The following FGD5 variants were observed in gnomAD, a reference collection of about 807,000 sequenced individuals.
FGD5 encodes the protein FYVE, RhoGEF and PH domain-containing protein 5.
Under a neutral mutation model 133.4 loss-of-function variants are expected in FGD5, and 28 were observed. The observed-to-expected ratio is 0.21, with a 90% CI of 0.16 to 0.29. FGD5 has a LOEUF of 0.29. Ranked by LOEUF, FGD5 falls within the 10% of genes least tolerant of loss-of-function variation. The pLI is 1.00. For synonymous variants in FGD5, 810 were observed against 776.5 expected, an observed-to-expected ratio of 1.04 and a Z score of -0.72; for missense variants, 1,858 against 1,895.2, an observed-to-expected ratio of 0.98 and a Z score of 0.36.
upstream of FGD5, among the ~76,000 whole-genome samples, chr3:14,817,265 GGCTT>G (rs1340053677): frequency 6.6e-6 from 1 of 151,702 alleles, no homozygotes; most frequent in African/African-American, 2.4e-5. Flanking sequence ...GCTCAATCTT[GGCTT>G]ATTGCAACCT....
chr3:14,927,465 AATG>A (rs1381815888), intron 18 of FGD5, among the ~76,000 whole-genome samples: 2 of 145,064 alleles, frequency 1.4e-5, no homozygotes, highest in African/African-American at 5.7e-5. Context: ...CGAAAAATAA[AATG>A]AATGAATGAA....
intron 13 of FGD5, chr3:14,921,197 G>C (rs2038673318): frequency 6.6e-6 from 1 of 152,648 alleles, no homozygotes; most frequent in South Asian, 2.1e-4. Flanking sequence ...ACATTTTAGG[G>C]ACATGGTGTC....
chr3:14,932,654 A>G lies in FGD5; in HGVS notation c.4275A>G (p.Val1425=), dbSNP rs752357815. ...APEKEEGSSE[V]GPIFHLYHKK... ...AAAAGGAAGAGGGCAGCAGTGAAGT[A>G]GGACCTATTTTTCACCTTTACCACA... The change falls in exon 19 of 20, where the codon GTA becomes GTG. Residue 1425 remains valine, a synonymous_variant. Coordinates refer to ENST00000285046, the MANE Select transcript of FGD5 (RefSeq NM_152536.4). 6.2e-7 allele frequency: 1 copy of G among 1,614,068 alleles called. No homozygotes were observed.
At chr3:14,890,118 C>T (rs112041062) in intron 4 of FGD5, among the ~76,000 whole-genome samples, 236 of 152,266 alleles carry the variant, frequency 1.5e-3, no homozygotes, top group African/African-American at 5.2e-3. Context: ...ACACACTCCG[C>T]CTGAACCGTA....
At chr3:14,835,890 T>C (rs1426209216) in intron 1 of FGD5, among the ~76,000 whole-genome samples, 1 of 152,106 alleles carries the variant, frequency 6.6e-6, no homozygotes, top group Non-Finnish European at 1.5e-5. Flanking sequence ...TTCTTGGTAA[T>C]TGTTATTTTG....
chr3:14,906,025 T>G (rs2038333219), intron 9 of FGD5, among the ~76,000 whole-genome samples: 1 of 152,140 alleles, frequency 6.6e-6, no homozygotes, highest in Non-Finnish European at 1.5e-5. Context: ...TGCCGTGTCA[T>G]CAACCTTCAG....
At chr3:14,932,781 A>G in intron 19 of FGD5, 50 bp downstream of exon 19, 1 of 1,583,332 alleles carries the variant, frequency 6.3e-7, no homozygotes, top group Non-Finnish European at 8.6e-7. Flanking sequence ...CTCAGAAGGC[A>G]ACAAGTTGTT....
chr3:14,810,740 C>A (rs1428937000), upstream of FGD5: 13 of 925,454 alleles, frequency 1.4e-5, no homozygotes, highest in African/African-American at 2.2e-4. Flanking sequence ...GGGCGGGCGC[C>A]AGGGGGTGCG....
At chr3:14,929,145 G>C (rs1296897512) in intron 18 of FGD5, among the ~76,000 whole-genome samples, 1 of 152,162 alleles carries the variant, frequency 6.6e-6, no homozygotes, top group Non-Finnish European at 1.5e-5. Flanking sequence ...ATGTTTTTGA[G>C]ATTCATTTAT....
intron 16 of FGD5, 90 bp from the exon 17 acceptor site, chr3:14,923,918 C>T: frequency 1.3e-6 from 2 of 1,512,974 alleles, no homozygotes; most frequent in Non-Finnish European, 1.8e-6. Context: ...GGCTCACATT[C>T]CTAGAGGGAT....
chr3:14,913,496 A>G (rs2038492005), intron 11 of FGD5, among the ~76,000 whole-genome samples: 1 of 152,166 alleles, frequency 6.6e-6, no homozygotes, highest in African/African-American at 2.4e-5. Flanking sequence ...CCCCAGATGC[A>G]GACCCCAGCT....
intron 4 of FGD5, among the ~76,000 whole-genome samples, chr3:14,895,588 T>G (rs540752690): frequency 1.3e-5 from 2 of 152,246 alleles, no homozygotes; most frequent in East Asian, 3.9e-4. Context: ...TTTGTTTGTT[T>G]TATGAGACAG....
intron 4 of FGD5, among the ~76,000 whole-genome samples, chr3:14,891,104 G>T (rs2038017288): frequency 6.6e-6 from 1 of 152,182 alleles, no homozygotes; most frequent in Non-Finnish European, 1.5e-5. Context: ...AGTATACAGG[G>T]CTGTTTTTCT....
chr3:14,918,613 C>A, intron 12 of FGD5, 141 bp from the exon 13 acceptor site: 1 of 772,810 alleles, frequency 1.3e-6, no homozygotes, highest in Admixed American at 2.2e-5. Flanking sequence ...ACAGCACCTA[C>A]CATCACAGAA....
chr3:14,883,911 A>G (rs2037875994), intron 4 of FGD5, among the ~76,000 whole-genome samples: 1 of 152,202 alleles, frequency 6.6e-6, no homozygotes, highest in Non-Finnish European at 1.5e-5. Context: ...AGGCCAGGGT[A>G]GTGGTGGAAG....
chr3:14,864,231 G>A lies in FGD5; in HGVS notation c.2629G>A (p.Ala877Thr), dbSNP rs1245756666. Residue 877 changes from alanine to threonine, a missense_variant, in exon 2 of 20, where the codon GCT becomes ACT. Ala to Thr is a moderately conservative substitution (Grantham distance 58, BLOSUM62 0). Coordinates refer to ENST00000285046, the MANE Select transcript of FGD5 (RefSeq NM_152536.4). ...GAGAAGCTCGGAGGAGGAGGACAGT[G>A]CTTCAAGAGACCCCAGTGTCACCCA... ...EQRSSEEEDS[A>T]SRDPSVTHKV... The A allele has an allele frequency of 1.2e-6, 2 of 1,614,024 alleles. No individual in the cohort carries two copies. The highest frequency in any genetic ancestry group is 1.7e-6 in the Non-Finnish European group (2 of 1,179,894).
At chr3:14,930,590 C>T (rs1248263499) in intron 18 of FGD5, among the ~76,000 whole-genome samples, 1 of 152,032 alleles carries the variant, frequency 6.6e-6, no homozygotes, top group Non-Finnish European at 1.5e-5. Flanking sequence ...TTTCCCCAGA[C>T]TCTGTCTCAA....
intron 12 of FGD5, among the ~76,000 whole-genome samples, chr3:14,918,149 G>A (rs1396555007): frequency 6.6e-6 from 1 of 152,246 alleles, no homozygotes; most frequent in Non-Finnish European, 1.5e-5. Context: ...CCTGAAGATG[G>A]GAACACTTGG....
chr3:14,876,644 A>G (rs1182952299), intron 2 of FGD5, among the ~76,000 whole-genome samples: 1 of 152,196 alleles, frequency 6.6e-6, no homozygotes, highest in Non-Finnish European at 1.5e-5. Flanking sequence ...AGGTAGCTGG[A>G]TTCACCTATC....
Sources: allele counts gnomAD v4.1 joint callset (sites outside exome capture counted in the v4.1 genomes callset), GRCh38; gene constraint gnomAD v4.1.1; transcripts MANE v1.5; gene names NCBI Gene and HGNC (gene_info 2026-07-23, HGNC 2026-07-21).